KCNH7: variants seen among roughly 807,000 people sequenced by gnomAD.
The protein encoded by KCNH7 is potassium voltage-gated channel subfamily H member 7.
Under a neutral mutation model 120.8 loss-of-function variants are expected in KCNH7, and 49 were observed. The ratio of observed to expected loss-of-function variants is 0.41; its 90% confidence interval spans 0.32 to 0.51. KCNH7 has a LOEUF of 0.51. Ranked by LOEUF, KCNH7 falls within the 20% of genes least tolerant of loss-of-function variation. The pLI is 0.38. For missense variants in KCNH7, 1,097 were observed against 1,446.6 expected (o/e 0.76, Z 3.92); for synonymous variants, 547 against 516.1 (o/e 1.06, Z -0.81).
chr2:162,778,269 T>C (rs1683331729), intron 2 of KCNH7, among the ~76,000 whole-genome samples: 1 of 152,196 alleles, frequency 6.6e-6, no homozygotes, highest in South Asian at 2.1e-4. Flanking sequence ...ATTATTTATC[T>C]GATAAAGAAA....
intron 2 of KCNH7, among the ~76,000 whole-genome samples, chr2:162,614,119 T>G (rs13382357): frequency 0.64 from 96,814 of 151,860 alleles, 32,443 homozygotes; most frequent in African/African-American, 0.84. Flanking sequence ...AAGCAATTCT[T>G]TTCCAAAGTA....
At chr2:162,462,466 C>A (rs1217041860) in intron 6 of KCNH7, among the ~76,000 whole-genome samples, 5 of 151,790 alleles carry the variant, frequency 3.3e-5, no homozygotes, top group Non-Finnish European at 7.4e-5. Flanking sequence ...CTATGGATCT[C>A]TGAATGTTTG....
chr2:162,670,461 G>A lies in KCNH7; in HGVS notation c.308-133381C>T, dbSNP rs186057480. ...CCACTCCAGCCTGGGCAACAAGAGC[G>A]AACTCTGTCAAAAAAAAAAAAAAAA... is the stretch of plus-strand genomic sequence containing the variant. On this transcript the variant is annotated intron_variant, in intron 2 of 15. Transcript: ENST00000332142. Among the ~76,000 whole-genome samples, 671 of 90,030 alleles carry A rather than the reference G, an allele frequency of 7.5e-3. 9 individuals are homozygous for A. Among genetic ancestry groups the A allele is most frequent in the African/African-American group, 0.03 (643 of 21,490 alleles). 59.1% of individuals were successfully genotyped at this position (90,030 alleles called of 152,430 possible). A position where few individuals can be genotyped will look rare whatever the true frequency, so the allele number is the denominator to read the frequency against.
chr2:162,699,033 G>T (rs1346712955), intron 2 of KCNH7, among the ~76,000 whole-genome samples: 1 of 152,018 alleles, frequency 6.6e-6, no homozygotes, highest in Non-Finnish European at 1.5e-5. Flanking sequence ...GCTAAATTGA[G>T]ACAATTAACA....
intron 2 of KCNH7, among the ~76,000 whole-genome samples, chr2:162,642,010 A>C (rs549996080): frequency 3.9e-5 from 6 of 152,212 alleles, no homozygotes; most frequent in Non-Finnish European, 8.8e-5. Context: ...TTCATAAAGA[A>C]GCAGGACAAC....
intron 2 of KCNH7, among the ~76,000 whole-genome samples, chr2:162,652,452 G>A (rs1394505639): frequency 6.6e-6 from 1 of 152,000 alleles, no homozygotes; most frequent in Non-Finnish European, 1.5e-5. Flanking sequence ...GTAGTGTGGG[G>A]GATTGTTTCA....
chr2:162,635,912 C>T (rs1683940345), intron 2 of KCNH7, among the ~76,000 whole-genome samples: 1 of 152,052 alleles, frequency 6.6e-6, no homozygotes, highest in Non-Finnish European at 1.5e-5. Flanking sequence ...CCAGAAAAAG[C>T]TATCAAATAT....
intron 9 of KCNH7, among the ~76,000 whole-genome samples, chr2:162,409,672 C>G (rs1687328651): frequency 6.6e-6 from 1 of 151,860 alleles, no homozygotes; most frequent in South Asian, 2.1e-4. Context: ...GATTCTGTAT[C>G]TAGAAAATGC....
intron 3 of KCNH7, among the ~76,000 whole-genome samples, chr2:162,523,170 G>T (rs1691590379): frequency 1.3e-5 from 2 of 151,508 alleles, no homozygotes; most frequent in South Asian, 4.2e-4. Flanking sequence ...TGTTTTCTTG[G>T]GTCATAAATA....
intron 2 of KCNH7, among the ~76,000 whole-genome samples, chr2:162,762,295 G>A (rs572995628): frequency 4.2e-4 from 64 of 151,068 alleles, no homozygotes; most frequent in African/African-American, 1.4e-3. Flanking sequence ...GTGTGTGTGT[G>A]TATATATATA....
chr2:162,371,862 C>G lies in KCNH7; in HGVS notation c.3558G>C (p.Arg1186Ser). The part of the protein sequence containing the change: ...LSTVGIVGLH[R>S]HVSDPGLPGK ...CTGGAAGACCAGGATCAGAAACATG[C>G]CTATGAAGACCCACGATTCCTACAG... Residue 1186 changes from arginine to serine, a missense_variant, in exon 16 of 16, where the codon AGG becomes AGC. By Grantham distance (110) the Arg-to-Ser change is moderately radical. This residue lies in a region of KCNH7 where 406 missense variants were observed against 410.5 expected (regional missense o/e 0.99). Coordinates refer to ENST00000332142, the MANE Select transcript of KCNH7 (RefSeq NM_033272.4). 1.9e-6 allele frequency: 3 copies of G among 1,611,906 alleles called. No individual in the cohort carries two copies. Among genetic ancestry groups the G allele is most frequent in the Non-Finnish European group, 2.5e-6 (3 of 1,178,234 alleles).
At chr2:162,608,546 G>A (rs760949541) in intron 2 of KCNH7, among the ~76,000 whole-genome samples, 1 of 152,202 alleles carries the variant, frequency 6.6e-6, no homozygotes, top group South Asian at 2.1e-4. Context: ...TTAGCATTAG[G>A]AGAAAGGTAT....
chr2:162,630,221 C>A (rs977167311), intron 2 of KCNH7, among the ~76,000 whole-genome samples: 2 of 151,988 alleles, frequency 1.3e-5, no homozygotes, highest in South Asian at 2.1e-4. Flanking sequence ...AATTTGAATT[C>A]TCCACAAAGT....
intron 14 of KCNH7, among the ~76,000 whole-genome samples, chr2:162,374,390 A>G (rs753401938): frequency 5.9e-5 from 9 of 152,172 alleles, no homozygotes; most frequent in Non-Finnish European, 1.2e-4. Context: ...ATTAAAATTT[A>G]AGGGAAAATA....
At chr2:162,750,997 T>C (rs191703730) in intron 2 of KCNH7, among the ~76,000 whole-genome samples, 5 of 152,270 alleles carry the variant, frequency 3.3e-5, no homozygotes, top group Non-Finnish European at 7.4e-5. Flanking sequence ...AGTTCCCTTA[T>C]ATTCAACTTC....
chr2:162,434,504 G>A (rs972006644), intron 8 of KCNH7, among the ~76,000 whole-genome samples: 8 of 152,050 alleles, frequency 5.3e-5, no homozygotes, highest in East Asian at 1.9e-4. Flanking sequence ...GCTCCGCAGC[G>A]TTATTAAAAA....
chr2:162,712,653 T>G (rs1478971654), intron 2 of KCNH7, among the ~76,000 whole-genome samples: 1 of 152,192 alleles, frequency 6.6e-6, no homozygotes, highest in Non-Finnish European at 1.5e-5. Flanking sequence ...ATGTACACTT[T>G]CTAAAATATC....
intron 5 of KCNH7, among the ~76,000 whole-genome samples, chr2:162,511,480 C>CAAAAAAA (rs34204046): frequency 3.1e-5 from 3 of 95,986 alleles, no homozygotes; most frequent in African/African-American, 1.1e-4. Flanking sequence ...GTGGACAGGT[C>CAAAAAAA]AAAAAAAAAA....
At chr2:162,379,503 G>A (rs537540628) in intron 14 of KCNH7, among the ~76,000 whole-genome samples, 1 of 151,800 alleles carries the variant, frequency 6.6e-6, no homozygotes, top group South Asian at 2.1e-4. Context: ...GGGAACATCC[G>A]AAAAAGTGTA....
Sources: allele counts gnomAD v4.1 joint callset (sites outside exome capture counted in the v4.1 genomes callset), GRCh38; gene constraint gnomAD v4.1.1; regional missense constraint gnomAD v4.1.1; transcripts MANE v1.5; gene names NCBI Gene and HGNC (gene_info 2026-07-23, HGNC 2026-07-21).